SLC27A2: variants seen among roughly 807,000 people sequenced by gnomAD.
SLC27A2 encodes the protein solute carrier family 27 member 2, also known as long-chain fatty acid transport protein 2.
Under a neutral mutation model 60.0 loss-of-function variants are expected in SLC27A2, and 54 were observed. The ratio of observed to expected loss-of-function variants is 0.90; its 90% CI spans 0.72 to 1.13. SLC27A2 has a LOEUF of 1.13. Among genes scored for constraint, SLC27A2 ranks in the 50% most tolerant of loss-of-function variants. The pLI is 0.00. For synonymous variants in SLC27A2, 297 were observed against 297.6 expected, an observed-to-expected ratio of 1.00 and a Z score of 0.02; for missense variants, 739 against 777.6, an observed-to-expected ratio of 0.95 and a Z score of 0.59.
At chr15:50,215,534 T>G (rs566590403) in intron 4 of SLC27A2, among the ~76,000 whole-genome samples, 24 of 152,218 alleles carry the variant, frequency 1.6e-4, no homozygotes, top group African/African-American at 5.8e-4. Flanking sequence ...AGAACAAATC[T>G]GGAGGCATTA....
intron 1 of SLC27A2, among the ~76,000 whole-genome samples, chr15:50,188,228 GT>G (rs1367998046): frequency 6.6e-6 from 1 of 152,154 alleles, no homozygotes; most frequent in East Asian, 1.9e-4. Context: ...AACAAATGCA[GT>G]GGGGGAGGGG....
Position 50,229,057 on chromosome 15 carries a change from T to G in SLC27A2, c.1555+15T>G. On this transcript the variant is annotated intron_variant, in intron 8 of 9. Transcript: ENST00000267842. Reference sequence around the variant, plus strand: ...GCATGTGCCAGGTATATACAAGATATGATCTGTACCTAACCCATAGAGTAA... The same window carrying G: ...GCATGTGCCAGGTATATACAAGATAGGATCTGTACCTAACCCATAGAGTAA... 6.7e-7 allele frequency: 1 copy of G among 1,487,770 alleles called. No individual in the cohort carries two copies. The highest frequency in any genetic ancestry group is 2.3e-5 in the East Asian group (1 of 42,850). The allele number at this position is 1,487,770 out of a possible 1,614,324, so 92.2% of individuals were successfully genotyped here.
At chr15:50,183,008 G>A in intron 1 of SLC27A2, 103 bp downstream of exon 1, 1 of 1,139,204 alleles carries the variant, frequency 8.8e-7, no homozygotes, top group Non-Finnish European at 1.2e-6. Context: ...GGTTCAGATC[G>A]GAACTGTAGG....
At chr15:50,208,683 A>G (rs1038150071) in intron 4 of SLC27A2, among the ~76,000 whole-genome samples, 4 of 152,340 alleles carry the variant, frequency 2.6e-5, no homozygotes, top group African/African-American at 9.6e-5. Context: ...AAAACATTCT[A>G]CTTAGTTAAT....
At position 50,226,020 on chromosome 15, in the gene SLC27A2, T is replaced by C. The variant is rs1434489774; in HGVS notation, c.1200T>C (p.Asp400=). 3 of 1,607,636 alleles carry C rather than the reference T, an allele frequency of 1.9e-6. No individual in the cohort carries two copies. Among genetic ancestry groups the C allele is most frequent in the African/African-American group, 1.3e-5 (1 of 74,830 alleles). Residue 400 remains aspartate (D), a synonymous_variant, in exon 6 of 10, where the codon GAT becomes GAC. Transcript: ENST00000267842. ...TAACTTATGACCTGATTAAATATGA[T>C]GTGGAGAAAGATGAACCTGTCCGTG... The part of the protein sequence containing the change: ...KIITYDLIKY[D]VEKDEPVRDE...
At position 50,236,026 on chromosome 15, in the gene SLC27A2, C is replaced by T. The variant is rs1357502100; in HGVS notation, c.1793C>T (p.Thr598Ile). ...GATGCCTTGTATTTCTTGGATGACA[C>T]AGCAAAAATGTATGTGCCTATGACT... is the stretch of plus-strand genomic sequence containing the variant. ...IKDALYFLDD[T>I]AKMYVPMTED... Residue 598 changes from threonine (T) to isoleucine (I), a missense_variant, in exon 10 of 10, where the codon ACA becomes ATA. Coordinates refer to ENST00000267842, the MANE Select transcript of SLC27A2 (RefSeq NM_003645.4). The T allele has an allele frequency of 1.9e-6, 3 of 1,614,058 alleles. No individual in the cohort carries two copies. The highest frequency in any genetic ancestry group is 4.5e-5 in the East Asian group (2 of 44,884).
rs2140917491 is a variant in SLC27A2 at position 50,236,021 on chromosome 15, T to C, written c.1788T>C (p.Asp596=). Residue 596 remains aspartate, a synonymous_variant, in exon 10 of 10, where the codon GAT becomes GAC. Coordinates refer to ENST00000267842, the MANE Select transcript of SLC27A2 (RefSeq NM_003645.4). ...TCAAAGATGCCTTGTATTTCTTGGA[T>C]GACACAGCAAAAATGTATGTGCCTA... is the stretch of plus-strand genomic sequence containing the variant. ...AVIKDALYFL[D]DTAKMYVPMT... is the part of the protein sequence containing the mutation. 5.6e-6 allele frequency: 9 copies of C among 1,614,172 alleles called. No homozygotes were observed. Among genetic ancestry groups the C allele is most frequent in the Non-Finnish European group, 7.6e-6 (9 of 1,180,004 alleles).
At chr15:50,205,495 G>A in intron 4 of SLC27A2, 132 bp downstream of exon 4, 8 of 881,904 alleles carry the variant, frequency 9.1e-6, no homozygotes, top group Non-Finnish European at 1.3e-5. Context: ...TCATGATAAA[G>A]TACTTGGCAC....
At chr15:50,226,363 C>G (rs2045278496) in intron 6 of SLC27A2, among the ~76,000 whole-genome samples, 1 of 152,146 alleles carries the variant, frequency 6.6e-6, no homozygotes, top group Admixed American at 6.5e-5. Flanking sequence ...TTTAGGTGGC[C>G]TTTACCTTTA....
At chr15:50,217,112 G>C (rs148351224) in intron 4 of SLC27A2, among the ~76,000 whole-genome samples, 3,179 of 151,254 alleles carry the variant, frequency 0.021, 102 homozygotes, top group African/African-American at 0.074. Context: ...GTGGGAGGGG[G>C]ACGAGGGATA....
rs2045352210 is a variant in SLC27A2, at chr15:50,236,294, C to T, written c.*198C>T. On this transcript the variant is annotated 3_prime_UTR_variant, in exon 10 of 10. Transcript: ENST00000267842. ...TTAGAGATTATTATTTTTCAGTGTG[C>T]ACCTACTGTTTGTATTTGCAAACTG... The T allele has an allele frequency of 2.3e-6, 1 of 438,466 alleles. No homozygotes were observed. The highest frequency in any genetic ancestry group is 4.0e-6 in the Non-Finnish European group (1 of 251,946). The allele number at this position is 438,466 out of a possible 1,614,324, so 27.2% of individuals were successfully genotyped here.
chr15:50,201,053 A>G (rs2140901524), intron 2 of SLC27A2, among the ~76,000 whole-genome samples: 1 of 152,250 alleles, frequency 6.6e-6, no homozygotes, highest in East Asian at 1.9e-4. Flanking sequence ...GTACAGTGGC[A>G]GGATCAGGGC....
chr15:50,204,123 A>G (rs753838470), intron 3 of SLC27A2, among the ~76,000 whole-genome samples: 6 of 152,224 alleles, frequency 3.9e-5, no homozygotes, highest in Admixed American at 6.5e-5. Context: ...AATACTACAC[A>G]TAAGTACTTA....
intron 4 of SLC27A2, among the ~76,000 whole-genome samples, chr15:50,210,294 C>T (rs1184521796): frequency 6.6e-6 from 1 of 152,258 alleles, no homozygotes; most frequent in East Asian, 1.9e-4. Context: ...CTAGAGGACC[C>T]GGGAGACACC....
chr15:50,219,614 G>A (rs1310383821), intron 4 of SLC27A2, among the ~76,000 whole-genome samples: 1 of 152,108 alleles, frequency 6.6e-6, no homozygotes, highest in Non-Finnish European at 1.5e-5. Context: ...GTGATCCTGG[G>A]AAAATAATTT....
At chr15:50,196,067 A>ATT (rs71424049) in intron 1 of SLC27A2, among the ~76,000 whole-genome samples, 2 of 24,118 alleles carry the variant, frequency 8.3e-5, no homozygotes, top group Non-Finnish European at 1.7e-4. Context: ...AAAAAAAAAA[A>ATT]AAAAAAAAAA....
intron 1 of SLC27A2, among the ~76,000 whole-genome samples, chr15:50,185,579 A>G (rs934984118): frequency 2.6e-5 from 4 of 151,430 alleles, no homozygotes; most frequent in African/African-American, 9.7e-5. Context: ...AAAAGTTTAC[A>G]GAAGAAACTT....
intron 1 of SLC27A2, among the ~76,000 whole-genome samples, chr15:50,192,337 A>AG: frequency 6.6e-6 from 1 of 152,300 alleles, no homozygotes; most frequent in Middle Eastern, 3.4e-3. Context: ...GGTGTAGGGC[A>AG]GGGGCAATGG....
At chr15:50,203,209 A>T (rs2045080221) in intron 3 of SLC27A2, among the ~76,000 whole-genome samples, 1 of 152,038 alleles carries the variant, frequency 6.6e-6, no homozygotes, top group Admixed American at 6.6e-5. Flanking sequence ...ATTTTAGGTT[A>T]TGACACTTGA....
Sources: allele counts gnomAD v4.1 joint callset (sites outside exome capture counted in the v4.1 genomes callset), GRCh38; gene constraint gnomAD v4.1.1; transcripts MANE v1.5; gene names NCBI Gene and HGNC (gene_info 2026-07-23, HGNC 2026-07-21).